Variants in GRM7 observed in about 807,000 individuals in gnomAD.
The protein encoded by GRM7 is metabotropic glutamate receptor 7.
In GRM7, 35 loss-of-function variants were observed where a neutral mutation model predicts 84.5. The ratio of observed to expected loss-of-function variants is 0.41; its 90% CI spans 0.32 to 0.55. The LOEUF (loss-of-function observed/expected upper bound fraction) is 0.55, where lower values mean the gene tolerates loss of function less well. Ranked by LOEUF, GRM7 falls within the 20% of genes least tolerant of loss-of-function variation. GRM7 has a pLI of 0.19. For synonymous variants in GRM7, 487 were observed against 455.1 expected (o/e 1.07, Z -0.89); for missense variants, 1,003 against 1,194.6 (o/e 0.84, Z 2.36).
chr3:7,581,090 A>G (rs1192330416), intron 8 of GRM7, among the ~76,000 whole-genome samples: 1 of 152,206 alleles, frequency 6.6e-6, no homozygotes, highest in Non-Finnish European at 1.5e-5. Context: ...AAAAATAATT[A>G]TAATGGTTTT....
At chr3:7,730,794 CCA>C (rs1183434406) in intron 9 of GRM7, among the ~76,000 whole-genome samples, 8 of 152,134 alleles carry the variant, frequency 5.3e-5, no homozygotes, top group Non-Finnish European at 1.5e-5. Flanking sequence ...ATAATATGCT[CCA>C]GATTGCTTGC....
chr3:6,998,147 A>G (rs548602221), intron 1 of GRM7, among the ~76,000 whole-genome samples: 45 of 149,708 alleles, frequency 3.0e-4, no homozygotes, highest in African/African-American at 9.4e-4. Flanking sequence ...AAAGCAGGTT[A>G]GTTACCTCCT....
chr3:7,661,666 C>T (rs1047723922), intron 8 of GRM7, among the ~76,000 whole-genome samples: 8 of 150,980 alleles, frequency 5.3e-5, no homozygotes, highest in East Asian at 3.9e-4. Context: ...TCGTGGCGGG[C>T]GCCTGTGGTC....
intron 1 of GRM7, among the ~76,000 whole-genome samples, chr3:6,991,169 T>C (rs1003978279): frequency 6.6e-6 from 1 of 152,204 alleles, no homozygotes; most frequent in Non-Finnish European, 1.5e-5. Flanking sequence ...AGATTACTTC[T>C]TCCCTGTCTG....
chr3:7,425,055 C>G (rs569945254), intron 5 of GRM7, among the ~76,000 whole-genome samples: 1 of 152,138 alleles, frequency 6.6e-6, no homozygotes, highest in Non-Finnish European at 1.5e-5. Context: ...TCCCAAGACC[C>G]TTGGAAAACT....
intron 8 of GRM7, among the ~76,000 whole-genome samples, chr3:7,629,151 T>C (rs745315463): frequency 6.6e-6 from 1 of 152,194 alleles, no homozygotes; most frequent in Non-Finnish European, 1.5e-5. Context: ...GTATTCATCA[T>C]TTAATATTGG....
intron 4 of GRM7, among the ~76,000 whole-genome samples, chr3:7,350,323 T>G (rs1693082528): frequency 6.6e-6 from 1 of 152,094 alleles, no homozygotes; most frequent in South Asian, 2.1e-4. Flanking sequence ...TGGGAGGTGA[T>G]TGGATCATGA....
chr3:7,126,645 G>A (rs1470333666), intron 1 of GRM7, among the ~76,000 whole-genome samples: 3 of 152,162 alleles, frequency 2.0e-5, no homozygotes, highest in African/African-American at 7.2e-5. Flanking sequence ...ATATTATGGG[G>A]AATTTTAAGT....
chr3:7,654,966 G>A (rs531236874), intron 8 of GRM7, among the ~76,000 whole-genome samples: 7 of 152,146 alleles, frequency 4.6e-5, no homozygotes, highest in African/African-American at 1.4e-4. Context: ...CTCTTACACT[G>A]GGAAGTCAAT....
chr3:7,645,483 G>T (rs1456008696), intron 8 of GRM7, among the ~76,000 whole-genome samples: 2 of 147,926 alleles, frequency 1.4e-5, no homozygotes, highest in African/African-American at 5.0e-5. Flanking sequence ...GGAGTCAGAG[G>T]TTGCAGTGAG....
intron 2 of GRM7, among the ~76,000 whole-genome samples, chr3:7,201,127 G>A (rs1426908842): frequency 2.6e-5 from 4 of 151,544 alleles, no homozygotes; most frequent in East Asian, 3.9e-4. Flanking sequence ...CCACCACCAC[G>A]CCCGGCTAAT....
At chr3:7,191,924 C>T (rs1695723081) in intron 2 of GRM7, among the ~76,000 whole-genome samples, 2 of 152,004 alleles carry the variant, frequency 1.3e-5, no homozygotes, top group African/African-American at 2.4e-5. Flanking sequence ...TCCTATACCC[C>T]TATTAATATT....
intron 8 of GRM7, among the ~76,000 whole-genome samples, chr3:7,658,786 A>G (rs1194705189): frequency 6.6e-6 from 1 of 152,230 alleles, no homozygotes; most frequent in African/African-American, 2.4e-5. Context: ...CATGATCTAT[A>G]TTGAATTTGA....
chr3:7,316,763 GGCAATT>G (rs143085705), intron 4 of GRM7, among the ~76,000 whole-genome samples: 21,717 of 151,956 alleles, frequency 0.14, 1,649 homozygotes, highest in African/African-American at 0.19. Flanking sequence ...TCTGAAGGTA[GGCAATT>G]GCAATTAAGT....
chr3:7,337,361 T>A (rs910453896), intron 4 of GRM7, among the ~76,000 whole-genome samples: 3 of 152,114 alleles, frequency 2.0e-5, no homozygotes, highest in Non-Finnish European at 2.9e-5. Flanking sequence ...AGGCAAATAG[T>A]TCGTGACCAA....
chr3:7,674,980 A>G (rs1455834751), intron 8 of GRM7, among the ~76,000 whole-genome samples: 1 of 152,226 alleles, frequency 6.6e-6, no homozygotes, highest in African/African-American at 2.4e-5. Flanking sequence ...TTTGCCAAAC[A>G]TGGTCAAGCA....
intron 8 of GRM7, among the ~76,000 whole-genome samples, chr3:7,675,048 G>A (rs1700072642): frequency 6.6e-6 from 1 of 152,128 alleles, no homozygotes; most frequent in African/African-American, 2.4e-5. Flanking sequence ...ACACTTTTCT[G>A]AGTAAATTAA....
chr3:7,269,348 C>G (rs1028388710), intron 2 of GRM7, among the ~76,000 whole-genome samples: 1 of 152,192 alleles, frequency 6.6e-6, no homozygotes, highest in African/African-American at 2.4e-5. Flanking sequence ...GAACTATGAC[C>G]TCACTATCTC....
At chr3:7,061,222 A>G (rs1027594120) in intron 1 of GRM7, among the ~76,000 whole-genome samples, 3 of 151,782 alleles carry the variant, frequency 2.0e-5, no homozygotes, top group Admixed American at 6.6e-5. Flanking sequence ...TATTGGTTGA[A>G]TTGTTCTTAG....
Sources: gnomAD v4.1 joint callset for allele counts (sites outside exome capture counted in the v4.1 genomes callset) on GRCh38, gnomAD v4.1.1 for gene constraint, MANE v1.5 for transcripts, NCBI Gene and HGNC (gene_info 2026-07-23, HGNC 2026-07-21) for gene names.